ARID1A: variants seen among roughly 807,000 people sequenced by gnomAD.
ARID1A encodes AT-rich interaction domain 1A, also known as AT-rich interactive domain-containing protein 1A.
ARID1A carries 20 observed loss-of-function variants against 212.6 expected under a neutral mutation model. The ratio of observed to expected loss-of-function variants is 0.09; its 90% CI spans 0.07 to 0.14. ARID1A has a LOEUF of 0.14. ARID1A is among the 10% of genes least tolerant of loss of function. The probability of loss-of-function intolerance (pLI) is 1.00; values close to 1 mark genes in which losing one functional copy is unlikely to be tolerated. For missense variants in ARID1A, 2,587 were observed against 3,059.0 expected (o/e 0.85, Z 3.64); for synonymous variants, 1,376 against 1,222.1 (o/e 1.13, Z -2.63).
intron 1 of ARID1A, among the ~76,000 whole-genome samples, chr1:26,703,570 T>A (rs916330333): frequency 6.6e-6 from 1 of 152,174 alleles, no homozygotes; most frequent in African/African-American, 2.4e-5. Context: ...TTCAGCTAAC[T>A]TACTACCAAA....
chr1:26,765,919 A>G (rs139337892), intron 8 of ARID1A: 5 of 284,240 alleles, frequency 1.8e-5, no homozygotes, highest in African/African-American at 1.1e-4. Context: ...TGCATGCCTC[A>G]TAGTCTTAGG....
chr1:26,737,859 C>G (rs1459858206), intron 4 of ARID1A, among the ~76,000 whole-genome samples: 1 of 151,226 alleles, frequency 6.6e-6, no homozygotes, highest in East Asian at 2.0e-4. Context: ...GAGCGAAACT[C>G]CGTCTCAAAA....
At chr1:26,761,581 T>C in intron 6 of ARID1A, 108 bp downstream of exon 6, 1 of 1,033,226 alleles carries the variant, frequency 9.7e-7, no homozygotes, top group South Asian at 1.5e-5. Flanking sequence ...GGACAATCCC[T>C]GCAGCAAATT....
At chr1:26,775,251 A>G (rs1334851882) in intron 18 of ARID1A, 31 bp downstream of exon 18, 2 of 1,542,054 alleles carry the variant, frequency 1.3e-6, no homozygotes, top group Non-Finnish European at 1.7e-6. Context: ...CGGTTGCCTA[A>G]TCTGCCCCTT....
intron 19 of ARID1A, among the ~76,000 whole-genome samples, chr1:26,776,865 G>C (rs987609908): frequency 6.6e-6 from 1 of 152,140 alleles, no homozygotes; most frequent in African/African-American, 2.4e-5. Flanking sequence ...TCTTATCCTT[G>C]TTGAGGTTCA....
rs2081083341 is a variant in ARID1A, at chr1:26,771,642, TC to T, written c.3406+317del. 2.5e-6 allele frequency: 1 copy of T among 393,502 alleles called. No homozygotes were observed. Among genetic ancestry groups the T allele is most frequent in the Non-Finnish European group, 4.7e-6 (1 of 212,316 alleles). 24.4% of individuals were successfully genotyped at this position (393,502 alleles called of 1,614,324 possible). ...TATAAATGGCAGCAAGGCAGGGCCA[TC>T]TGGGAGCTTTGGCCTATTGATGTCA... On this transcript the variant is annotated intron_variant, in intron 12 of 19. Transcript: ENST00000324856. The surrounding 1 kb of genome is among the most constrained non-coding windows in gnomAD (Gnocchi z 5.4).
chr1:26,779,992 G>A lies in ARID1A; in HGVS notation c.6094G>A (p.Glu2032Lys). 4 of 1,614,190 alleles carry A rather than the reference G, an allele frequency of 2.5e-6. No homozygotes were observed. Among genetic ancestry groups the A allele is most frequent in the Non-Finnish European group, 3.4e-6 (4 of 1,180,034 alleles). The change falls in exon 20 of 20, where the codon GAA (glutamate) becomes AAA (lysine). Residue 2032 changes from glutamate to lysine, a missense_variant. Glu to Lys is a moderately conservative substitution (Grantham distance 56, BLOSUM62 1). Transcript: ENST00000324856. The stretch of plus-strand genomic sequence containing the variant: ...ACGGAAGCAGGCACCACTAACTTAT[G>A]AAAAGGAGGAGGAACAGGACCAAGG... ...PERKQAPLTYEKEEEQDQGVS... is the reference protein window; with the variant it reads ...PERKQAPLTYKKEEEQDQGVS...
In ARID1A at chr1:26,780,423, T is replaced by C; in HGVS notation, c.6525T>C (p.Ala2175=). The C allele has an allele frequency of 1.2e-6, 2 of 1,614,194 alleles. No homozygotes were observed. Among genetic ancestry groups the C allele is most frequent in the Non-Finnish European group, 1.7e-6 (2 of 1,180,020 alleles). The change falls in exon 20 of 20, where the codon GCT becomes GCC. Residue 2175 remains alanine, a synonymous_variant. Transcript: ENST00000324856. This position sits in a 1 kb window ranked among gnomAD's most constrained non-coding sequence, Gnocchi z 7.2. The part of the protein sequence containing the change: ...EMAVVLLANL[A]QGDSLAARAI... ...CTGTGGTACTGCTGGCCAACCTGGC[T>C]CAGGGGGACAGCCTGGCAGCTCGTG... is the stretch of plus-strand genomic sequence containing the variant.
intron 4 of ARID1A, among the ~76,000 whole-genome samples, chr1:26,748,746 A>C (rs2080859435): frequency 6.6e-6 from 1 of 151,856 alleles, no homozygotes. Flanking sequence ...CTGGTCGGGC[A>C]GGTAACATGG....
At chr1:26,734,552 C>G (rs1217792648) in intron 4 of ARID1A, among the ~76,000 whole-genome samples, 1 of 152,118 alleles carries the variant, frequency 6.6e-6, no homozygotes, top group Non-Finnish European at 1.5e-5. Flanking sequence ...AAAGATTCAT[C>G]CAAATGGGTC....
chr1:26,746,123 G>C (rs892080983), intron 4 of ARID1A, among the ~76,000 whole-genome samples: 3 of 152,174 alleles, frequency 2.0e-5, no homozygotes, highest in Non-Finnish European at 4.4e-5. Flanking sequence ...TTGGAGAAAG[G>C]GAAGGAGTTA....
rs542663779 is a variant in ARID1A at position 26,779,832 on chromosome 1, C to G, written c.5934C>G (p.Ala1978=). The change falls in exon 20 of 20, where the codon GCC becomes GCG. Residue 1978 remains alanine, a synonymous_variant. Coordinates refer to ENST00000324856, the MANE Select transcript of ARID1A (RefSeq NM_006015.6). The part of the protein sequence containing the change: ...CTLLDWQDSL[A]KRCVCVSNTI... ...TTCTGGACTGGCAGGATTCTCTTGC[C>G]AAGCGCTGCGTCTGTGTGTCCAATA... 2 of 1,613,990 alleles carry G rather than the reference C, an allele frequency of 1.2e-6. No individual in the cohort carries two copies. The highest frequency in any genetic ancestry group is 1.7e-6 in the Non-Finnish European group (2 of 1,180,046).
chr1:26,754,672 T>C (rs1013839330), intron 4 of ARID1A, among the ~76,000 whole-genome samples: 5 of 152,182 alleles, frequency 3.3e-5, no homozygotes, highest in African/African-American at 1.2e-4. Context: ...ACCTTTCTCC[T>C]CAGTTCATAT....
intron 1 of ARID1A, among the ~76,000 whole-genome samples, chr1:26,720,002 C>T (rs2080545688): frequency 6.6e-6 from 1 of 150,680 alleles, no homozygotes; most frequent in Non-Finnish European, 1.5e-5. Context: ...CCTGTAATCC[C>T]AGCACTTTGG....
At chr1:26,732,434 T>G (rs2080688147) in intron 3 of ARID1A, among the ~76,000 whole-genome samples, 1 of 152,224 alleles carries the variant, frequency 6.6e-6, no homozygotes, top group South Asian at 2.1e-4. Flanking sequence ...CATTAGCATT[T>G]AACCCCAAGA....
chr1:26,725,904 G>A (rs1038824507), intron 1 of ARID1A, among the ~76,000 whole-genome samples: 10 of 149,172 alleles, frequency 6.7e-5, no homozygotes, highest in African/African-American at 2.2e-4. Context: ...GCCCAGGCTG[G>A]AGTGCGGTGG....
Position 26,697,215 on chromosome 1 carries a change from T to G in ARID1A, c.812T>G (p.Phe271Cys), listed in dbSNP as rs2080276491. 1 of 1,392,406 alleles carries G rather than the reference T, an allele frequency of 7.2e-7. No individual in the cohort carries two copies. The highest frequency in any genetic ancestry group is 9.3e-7 in the Non-Finnish European group (1 of 1,079,900). The allele number at this position is 1,392,406 out of a possible 1,614,324, so 86.3% of individuals were successfully genotyped here. Residue 271 changes from phenylalanine to cysteine, a missense_variant, in exon 1 of 20, where the codon TTC (phenylalanine) becomes TGC (cysteine). Phe to Cys is a radical substitution (Grantham distance 205, BLOSUM62 -2). Transcript: ENST00000324856. ...SSSSSFAQQR[F>C]GAMGGGGPSA... The stretch of plus-strand genomic sequence containing the variant: ...TCTTCGTCCTTCGCTCAGCAGCGCT[T>G]CGGGGCCATGGGGGGAGGCGGCCCC...
intron 4 of ARID1A, among the ~76,000 whole-genome samples, chr1:26,744,184 C>T (rs75800109): frequency 1.4e-3 from 213 of 152,310 alleles, no homozygotes; most frequent in Non-Finnish European, 2.5e-3. Context: ...CTGGCCAATC[C>T]GCTTCTCCAT....
intron 1 of ARID1A, among the ~76,000 whole-genome samples, chr1:26,726,734 G>A (rs1251485975): frequency 1.3e-5 from 2 of 152,206 alleles, no homozygotes; most frequent in African/African-American, 4.8e-5. Flanking sequence ...TGGTATTTGG[G>A]AGAGCTTTGA....
Sources: gnomAD v4.1 joint callset for allele counts (sites outside exome capture counted in the v4.1 genomes callset) on GRCh38, gnomAD v4.1.1 for gene constraint, Gnocchi (gnomAD v3.1) non-coding constraint, MANE v1.5 for transcripts, NCBI Gene and HGNC (gene_info 2026-07-23, HGNC 2026-07-21) for gene names.